Variants in TIAM1 observed in about 807,000 individuals in gnomAD.
TIAM1 encodes rho guanine nucleotide exchange factor TIAM1.
In TIAM1, 65 loss-of-function variants were observed where a neutral mutation model predicts 163.5. The ratio of observed to expected loss-of-function variants is 0.40; its 90% CI spans 0.33 to 0.49. TIAM1 has a LOEUF of 0.49. TIAM1 is among the 20% of genes least tolerant of loss of function. The probability of loss-of-function intolerance (pLI) is 0.77; values close to 1 mark genes in which losing one functional copy is unlikely to be tolerated. For missense variants in TIAM1, 1,789 were observed against 2,044.7 expected, an observed-to-expected ratio of 0.87 and a Z score of 2.41; for synonymous variants, 833 against 810.1, an observed-to-expected ratio of 1.03 and a Z score of -0.48.
At chr21:31,554,269 A>G (rs928743005) in intron 1 of TIAM1, among the ~76,000 whole-genome samples, 4 of 152,168 alleles carry the variant, frequency 2.6e-5, no homozygotes, top group African/African-American at 9.6e-5. Context: ...CTGCCTCCCA[A>G]TTATATCTTT....
intron 15 of TIAM1, among the ~76,000 whole-genome samples, chr21:31,174,876 T>G (rs2084689822): frequency 6.6e-6 from 1 of 152,190 alleles, no homozygotes; most frequent in African/African-American, 2.4e-5. Context: ...CTTGAACTCC[T>G]GACTTCTGGT....
Position 31,195,308 on chromosome 21 carries a change from GAA to G in TIAM1, c.2494-5_2494-4del. ...CAGATTTCAATTTCTTTGTACAGCT[GAA>G]AGTTACAAAGGGGAATCTAATTAGA... On this transcript the variant is annotated splice_polypyrimidine_tract_variant and splice_region_variant and intron_variant, in intron 12 of 27. Coordinates refer to ENST00000541036, the MANE Select transcript of TIAM1 (RefSeq NM_001353694.2). 3 of 1,604,146 alleles carry G rather than the reference GAA, an allele frequency of 1.9e-6. No homozygotes were observed. Among genetic ancestry groups the G allele is most frequent in the Non-Finnish European group, 2.6e-6 (3 of 1,173,164 alleles).
chr21:31,120,652 C>T lies in TIAM1; in HGVS notation c.4492G>A (p.Asp1498Asn), dbSNP rs781728182. Residue 1498 changes from aspartate to asparagine, a missense_variant, in exon 28 of 28, where the codon GAC (aspartate) becomes AAC (asparagine). Coordinates refer to ENST00000541036, the MANE Select transcript of TIAM1 (RefSeq NM_001353694.2). The surrounding 1 kb of genome is among the most constrained non-coding windows in gnomAD (Gnocchi z 4.2). ...FDLAQYEEQD[D>N]IKETDILSDD... is the part of the protein sequence containing the mutation. The stretch of plus-strand genomic sequence containing the variant: ...CTGAGGATGTCTGTCTCCTTGATGT[C>T]ATCTTGCTCCTCATACTGAGCAAGA... 52 of 1,614,032 alleles carry T rather than the reference C, an allele frequency of 3.2e-5. No individual in the cohort carries two copies. Among genetic ancestry groups the T allele is most frequent in the Non-Finnish European group, 4.4e-5 (52 of 1,180,052 alleles).
chr21:31,126,165 T>G (rs1002793699), intron 26 of TIAM1, among the ~76,000 whole-genome samples: 6 of 152,220 alleles, frequency 3.9e-5, no homozygotes, highest in Non-Finnish European at 8.8e-5. Context: ...AAAATATTGC[T>G]AATAATCATA....
chr21:31,327,334 C>G (rs2075523092), intron 2 of TIAM1, among the ~76,000 whole-genome samples: 1 of 152,132 alleles, frequency 6.6e-6, no homozygotes. Context: ...CTTTCTTCAT[C>G]TTCTATAAAG....
At chr21:31,181,806 A>T (rs1201818426) in intron 15 of TIAM1, among the ~76,000 whole-genome samples, 1 of 46,846 alleles carries the variant, frequency 2.1e-5, no homozygotes, top group Non-Finnish European at 4.2e-5. Flanking sequence ...TTTTTTTTTT[A>T]CGAGACAGGC....
At chr21:31,183,713 G>A (rs879310045) in intron 14 of TIAM1, among the ~76,000 whole-genome samples, 2 of 80,978 alleles carry the variant, frequency 2.5e-5, no homozygotes, top group Non-Finnish European at 5.2e-5. Flanking sequence ...TTTTTTTTTT[G>A]AGACGGAGTC....
At chr21:31,536,627 T>C (rs544162661) in intron 1 of TIAM1, among the ~76,000 whole-genome samples, 1 of 152,356 alleles carries the variant, frequency 6.6e-6, no homozygotes, top group South Asian at 2.1e-4. Flanking sequence ...CACAGGTATC[T>C]GCTGACGTGT....
intron 1 of TIAM1, among the ~76,000 whole-genome samples, chr21:31,491,512 C>T (rs1422230394): frequency 2.0e-5 from 3 of 152,190 alleles, no homozygotes; most frequent in Non-Finnish European, 2.9e-5. Flanking sequence ...AGGACCTTCA[C>T]GATGACTTCC....
intron 2 of TIAM1, among the ~76,000 whole-genome samples, chr21:31,283,183 C>T (rs538179074): frequency 7.2e-5 from 11 of 152,308 alleles, no homozygotes; most frequent in African/African-American, 2.4e-4. Context: ...TGGCATCAGG[C>T]CAAAGTGCTC....
intron 2 of TIAM1, among the ~76,000 whole-genome samples, chr21:31,362,810 C>T (rs921278090): frequency 6.6e-6 from 1 of 152,030 alleles, no homozygotes; most frequent in Non-Finnish European, 1.5e-5. Context: ...CCCCTTAGGG[C>T]AGGGAGCGCT....
intron 13 of TIAM1, among the ~76,000 whole-genome samples, chr21:31,194,330 A>G (rs2085738813): frequency 6.6e-6 from 1 of 152,182 alleles, no homozygotes. Context: ...CTAGTGAATC[A>G]GCAAACCTAG....
chr21:31,213,455 G>A lies in TIAM1; in HGVS notation c.2160C>T (p.Thr720=), dbSNP rs138024302. ...CCTCTAAAGATTTCTTTACAGCTTC[G>A]GTTCCCTCTCCAAACACCTGCATAT... ...PSINQVFGEG[T]EAVKKSLEGI... The change falls in exon 10 of 28, where the codon ACC becomes ACT. Residue 720 remains threonine (T), a synonymous_variant. Coordinates refer to ENST00000541036, the MANE Select transcript of TIAM1 (RefSeq NM_001353694.2). 14 of 1,613,542 alleles carry A rather than the reference G, an allele frequency of 8.7e-6. No individual in the cohort carries two copies. The African/African-American group carries it at 1.3e-4, about 15-fold the overall frequency.
intron 1 of TIAM1, among the ~76,000 whole-genome samples, chr21:31,552,508 T>G (rs2123323576): frequency 6.6e-6 from 1 of 152,200 alleles, no homozygotes; most frequent in South Asian, 2.1e-4. Flanking sequence ...GCGCGGTGGC[T>G]CACACCTGTA....
intron 2 of TIAM1, among the ~76,000 whole-genome samples, chr21:31,415,050 C>T (rs999045793): frequency 6.6e-6 from 1 of 152,140 alleles, no homozygotes; most frequent in Admixed American, 6.5e-5. Flanking sequence ...GTGACTCTTC[C>T]AACACTGAGT....
At chr21:31,332,448 A>G (rs919402666) in intron 2 of TIAM1, among the ~76,000 whole-genome samples, 6 of 152,144 alleles carry the variant, frequency 3.9e-5, no homozygotes, top group Non-Finnish European at 4.4e-5. Context: ...AGCCCAGGAT[A>G]AGAACTTTGG....
intron 2 of TIAM1, among the ~76,000 whole-genome samples, chr21:31,308,061 G>A (rs1016237322): frequency 1.2e-4 from 18 of 152,072 alleles, no homozygotes; most frequent in African/African-American, 4.3e-4. Context: ...GACCAGCCTG[G>A]GTAACATGGC....
intron 2 of TIAM1, among the ~76,000 whole-genome samples, chr21:31,372,478 C>T (rs138877304): frequency 2.6e-5 from 4 of 152,254 alleles, no homozygotes; most frequent in Admixed American, 6.5e-5. Flanking sequence ...CCTGCTCAGC[C>T]GGAACCTAAG....
At position 31,472,873 on chromosome 21, in the gene TIAM1, G is replaced by C. The variant is rs76440092; in HGVS notation, c.-421-8838C>G. 2.0e-5 allele frequency among the ~76,000 whole-genome samples: 3 copies of C among 152,304 alleles called. No individual in the cohort carries two copies. In the South Asian group the frequency reaches 6.2e-4, roughly 32 times the overall value. On this transcript the variant is annotated intron_variant, in intron 1 of 28. Coordinates refer to the TIAM1 transcript ENST00000286827. ...TTGAACAGAGCTTGGCATGGCGTAC[G>C]CATCAGAAATTGTCCTCTGCAGGTA...
Sources: gnomAD v4.1 joint callset for allele counts (sites outside exome capture counted in the v4.1 genomes callset) on GRCh38, gnomAD v4.1.1 for gene constraint, Gnocchi (gnomAD v3.1) non-coding constraint, MANE v1.5 for transcripts, NCBI Gene and HGNC (gene_info 2026-07-23, HGNC 2026-07-21) for gene names.